The following ABTB2 variants were observed in gnomAD, a reference collection of about 807,000 sequenced individuals.
ABTB2 encodes ankyrin repeat and BTB domain containing 2, also known as ankyrin repeat and BTB/POZ domain-containing protein 2.
A neutral mutation model predicts 104.1 loss-of-function variants in ABTB2; 56 were observed. The ratio of observed to expected loss-of-function variants is 0.54; its 90% CI spans 0.43 to 0.67. ABTB2 has a LOEUF of 0.67. ABTB2 is among the 30% of genes least tolerant of loss of function. ABTB2 has a pLI of 0.00. For synonymous variants in ABTB2, 606 were observed against 608.2 expected (o/e 1.00, Z 0.05); for missense variants, 1,279 against 1,407.7 (o/e 0.91, Z 1.46).
chr11:34,160,475 C>A, intron 11 of ABTB2, 122 bp from the exon 12 acceptor site: 1 of 706,530 alleles, frequency 1.4e-6, no homozygotes. Flanking sequence ...ATCTTTTGTT[C>A]CTGCTGGATG....
At chr11:34,291,621 G>A (rs890835392) in intron 1 of ABTB2, among the ~76,000 whole-genome samples, 15 of 151,674 alleles carry the variant, frequency 9.9e-5, no homozygotes, top group East Asian at 9.7e-4. Context: ...TCAGCCTCCC[G>A]AGTAACTTGG....
In ABTB2 at chr11:34,297,796, G is replaced by GAAAACAAAT. The variant is rs1554923796; in HGVS notation, c.883+58904_883+58905insATTTGTTTT. 1.5e-4 allele frequency among the ~76,000 whole-genome samples: 18 copies of GAAAACAAAT among 123,072 alleles called. 3 individuals carry two copies. The highest frequency in any genetic ancestry group is 3.9e-4 in the African/African-American group (12 of 31,140). The allele number at this position is 123,072 out of a possible 152,430, so 80.7% of individuals were successfully genotyped here. ...AAAAAAAAAAAAAATAAAAATAAAG[G>GAAAACAAAT]AAAGAAAAAGAAAAAAACAAAATTC... On this transcript the variant is annotated intron_variant, in intron 1 of 16. Coordinates refer to ENST00000435224, the MANE Select transcript of ABTB2 (RefSeq NM_145804.3).
intron 1 of ABTB2, among the ~76,000 whole-genome samples, chr11:34,281,418 G>A (rs1312881045): frequency 6.6e-6 from 1 of 152,162 alleles, no homozygotes; most frequent in Non-Finnish European, 1.5e-5. Context: ...TCCAGGGTGT[G>A]GCTCAATACA....
intron 3 of ABTB2, among the ~76,000 whole-genome samples, chr11:34,196,446 C>T (rs1056559826): frequency 4.0e-4 from 61 of 151,988 alleles, no homozygotes; most frequent in Admixed American, 6.6e-4. Flanking sequence ...CCCAGCTACT[C>T]GGGAGGCTGA....
Position 34,271,775 on chromosome 11 carries a change from ATACATAC to A in ABTB2, c.884-67092_884-67086del, listed in dbSNP as rs569486545. 6.2e-3 allele frequency among the ~76,000 whole-genome samples: 892 copies of A among 144,518 alleles called. 6 individuals are homozygous for A. The highest frequency in any genetic ancestry group is 9.3e-3 in the Non-Finnish European group (611 of 65,506). The allele number at this position is 144,518 out of a possible 152,430, so 94.8% of individuals were successfully genotyped here. ...CATACATACATACATACATACATAC[ATACATAC>A]AACTTGCCTTTGGAACCATGGAAGT... On this transcript the variant is annotated intron_variant, in intron 1 of 16. Transcript: ENST00000435224.
intron 1 of ABTB2, among the ~76,000 whole-genome samples, chr11:34,281,284 G>A (rs1213808979): frequency 6.6e-6 from 1 of 152,176 alleles, no homozygotes; most frequent in Non-Finnish European, 1.5e-5. Context: ...GCTTCTCCAT[G>A]TGTGTCTGCT....
At chr11:34,243,119 C>T (rs1229831912) in intron 1 of ABTB2, among the ~76,000 whole-genome samples, 2 of 152,168 alleles carry the variant, frequency 1.3e-5, no homozygotes, top group Non-Finnish European at 2.9e-5. Flanking sequence ...AAGATCATCA[C>T]ACCCAAGATA....
intron 1 of ABTB2, among the ~76,000 whole-genome samples, chr11:34,346,423 T>C (rs1200281245): frequency 6.6e-6 from 1 of 152,130 alleles, no homozygotes; most frequent in Non-Finnish European, 1.5e-5. Context: ...CACTGAAGCA[T>C]GAGGTCGGCC....
chr11:34,192,120 A>G (rs1191268822), intron 3 of ABTB2, among the ~76,000 whole-genome samples: 2 of 152,116 alleles, frequency 1.3e-5, no homozygotes, highest in Non-Finnish European at 2.9e-5. Flanking sequence ...GTGGGACCCC[A>G]TTTCTACAAA....
chr11:34,209,072 G>A (rs374762506), intron 1 of ABTB2, among the ~76,000 whole-genome samples: 84 of 152,280 alleles, frequency 5.5e-4, no homozygotes, highest in African/African-American at 2.0e-3. Flanking sequence ...CTGGCTGGCC[G>A]TGGTGGCTCA....
At chr11:34,333,396 GAAACA>G in intron 1 of ABTB2, among the ~76,000 whole-genome samples, 2 of 152,014 alleles carry the variant, frequency 1.3e-5, no homozygotes, top group South Asian at 4.2e-4. Flanking sequence ...TACTAAAGGA[GAAACA>G]AAACAAAACA....
chr11:34,223,036 C>T (rs1171189776), intron 1 of ABTB2, among the ~76,000 whole-genome samples: 1 of 152,100 alleles, frequency 6.6e-6, no homozygotes, highest in Non-Finnish European at 1.5e-5. Context: ...GGGCTTTGAC[C>T]CAAAGCCCCT....
At chr11:34,156,559 T>C (rs1314723587) in intron 14 of ABTB2, among the ~76,000 whole-genome samples, 3 of 151,894 alleles carry the variant, frequency 2.0e-5, no homozygotes, top group Non-Finnish European at 4.4e-5. Context: ...GTTTCGCTCT[T>C]GTCGCCCAGG....
intron 1 of ABTB2, among the ~76,000 whole-genome samples, chr11:34,238,611 A>G (rs540893548): frequency 6.6e-6 from 1 of 152,348 alleles, no homozygotes; most frequent in African/African-American, 2.4e-5. Context: ...TGAGCCATTA[A>G]GTCTTGCAAC....
At chr11:34,330,975 T>C (rs1201486516) in intron 1 of ABTB2, among the ~76,000 whole-genome samples, 1 of 152,196 alleles carries the variant, frequency 6.6e-6, no homozygotes, top group Non-Finnish European at 1.5e-5. Context: ...TGCCTCTTTA[T>C]GAATGAGAAA....
At chr11:34,183,811 G>A (rs1853059281) in intron 3 of ABTB2, among the ~76,000 whole-genome samples, 1 of 152,152 alleles carries the variant, frequency 6.6e-6, no homozygotes, top group Non-Finnish European at 1.5e-5. Flanking sequence ...TAAACACAAG[G>A]CATGTTTCTC....
At chr11:34,320,510 T>C (rs1372894945) in intron 1 of ABTB2, among the ~76,000 whole-genome samples, 1 of 152,218 alleles carries the variant, frequency 6.6e-6, no homozygotes, top group African/African-American at 2.4e-5. Flanking sequence ...CAGAGATTTA[T>C]GATAAAAGTC....
In ABTB2 at chr11:34,173,272, A is replaced by T; in HGVS notation, c.1280T>A (p.Met427Lys). Residue 427 changes from methionine (M) to lysine (K), a missense_variant, in exon 4 of 17, where the codon ATG (methionine) becomes AAG (lysine). Transcript: ENST00000435224. ...FMLLPPLMEWMRVAITYAEHR... is the reference protein window; with the variant it reads ...FMLLPPLMEWKRVAITYAEHR... ...CTCTGCGTAGGTGATGGCCACGCGC[A>T]TCCACTCCATGAGGGGCGGCAGCAG... The T allele has an allele frequency of 5.0e-6, 8 of 1,607,698 alleles. No individual in the cohort carries two copies. The highest frequency in any genetic ancestry group is 6.8e-6 in the Non-Finnish European group (8 of 1,177,520).
At chr11:34,299,945 C>T (rs968938216) in intron 1 of ABTB2, among the ~76,000 whole-genome samples, 1 of 152,140 alleles carries the variant, frequency 6.6e-6, no homozygotes, top group Non-Finnish European at 1.5e-5. Context: ...ACTGCTGCCT[C>T]CTTCATAAAG....
Sources: allele counts gnomAD v4.1 joint callset (sites outside exome capture counted in the v4.1 genomes callset), GRCh38; gene constraint gnomAD v4.1.1; transcripts MANE v1.5; gene names NCBI Gene and HGNC (gene_info 2026-07-23, HGNC 2026-07-21).